RGPD3: variants seen among roughly 807,000 people sequenced by gnomAD.
The protein encoded by RGPD3 is RANBP2 like and GRIP domain containing 3, also known as ranBP2-like and GRIP domain-containing protein 3.
Under a neutral mutation model 154.5 loss-of-function variants are expected in RGPD3, and 62 were observed. That is an observed-to-expected ratio of 0.40 (90% CI 0.33 to 0.50). The LOEUF (loss-of-function observed/expected upper bound fraction) is 0.50. RGPD3 is among the 20% of genes least tolerant of loss of function. The pLI is 0.59. For missense variants in RGPD3, 919 were observed against 1,716.8 expected (o/e 0.54, Z 8.21); for synonymous variants, 308 against 607.0 (o/e 0.51, Z 7.24).
At chr2:106,450,705 CAAAAAAAAAAAA>C (rs768839840) in intron 6 of RGPD3, among the ~76,000 whole-genome samples, 22 of 43,250 alleles carry the variant, frequency 5.1e-4, no homozygotes, top group East Asian at 5.0e-3. Context: ...GACTCTGTCT[CAAAAAAAAAAAA>C]AAAAAAAAAA....
At chr2:106,469,952 C>A (rs192382792), upstream of RGPD3, among the ~76,000 whole-genome samples, 258 of 152,278 alleles carry the variant, frequency 1.7e-3, no homozygotes, top group African/African-American at 5.8e-3. Context: ...AGAAAACCAC[C>A]TTTTCATCCT....
intron 20 of RGPD3, among the ~76,000 whole-genome samples, chr2:106,416,203 A>C (rs1310625171): frequency 2.0e-5 from 3 of 149,778 alleles, no homozygotes; most frequent in Non-Finnish European, 4.4e-5. Flanking sequence ...CATGTCATCT[A>C]ACTGAATACA....
Position 106,436,421 on chromosome 2 carries a change from T to C in RGPD3, c.1627A>G (p.Lys543Glu). ...WDAVCTLIHR[K>E]AVPGNSAKLR... ...TTTTGTTTTACTACTTACACTGCTT[T>C]TCTGTGAATCAGAGTACAAACCGCA... Residue 543 changes from lysine to glutamate, a missense_variant, in exon 11 of 23, where the codon AAA becomes GAA. By Grantham distance (56) the Lys-to-Glu change is moderately conservative. Coordinates refer to ENST00000409886, the MANE Select transcript of RGPD3 (RefSeq NM_001144013.2). 1 of 1,218,614 alleles carries C rather than the reference T, an allele frequency of 8.2e-7. No homozygotes were observed. The highest frequency in any genetic ancestry group is 2.5e-5 in the East Asian group (1 of 39,792). The allele number at this position is 1,218,614 out of a possible 1,614,324, so 75.5% of individuals were successfully genotyped here.
intron 1 of RGPD3, among the ~76,000 whole-genome samples, chr2:106,465,049 G>C (rs535442653): frequency 4.0e-4 from 61 of 151,576 alleles, no homozygotes; most frequent in Non-Finnish European, 8.1e-4. Context: ...ACTAACAAAT[G>C]AAAGCACAAT....
intron 1 of RGPD3, among the ~76,000 whole-genome samples, chr2:106,466,388 C>T (rs1263205931): frequency 6.8e-6 from 1 of 146,634 alleles, no homozygotes; most frequent in African/African-American, 2.6e-5. Flanking sequence ...AGGCCACCGC[C>T]TCAACAGAGC....
chr2:106,441,947 A>G (rs374142378), intron 7 of RGPD3, among the ~76,000 whole-genome samples: 5 of 139,144 alleles, frequency 3.6e-5, no homozygotes, highest in Non-Finnish European at 7.7e-5. Context: ...TTGGGAGGCC[A>G]AGGTGGGGGG....
chr2:106,442,502 A>C (rs1034872234), intron 7 of RGPD3, among the ~76,000 whole-genome samples: 12 of 141,388 alleles, frequency 8.5e-5, no homozygotes, highest in African/African-American at 3.1e-4. Flanking sequence ...CCTATGAAAA[A>C]AAAAAAAAAA....
chr2:106,470,883 T>C (rs1678796895), upstream of RGPD3: 1 of 1,596,906 alleles, frequency 6.3e-7, no homozygotes, highest in Non-Finnish European at 8.5e-7. Flanking sequence ...AGGCATTGTG[T>C]TGGACATCGT....
At chr2:106,420,739 T>G (rs1386438394) in intron 20 of RGPD3, among the ~76,000 whole-genome samples, 1 of 152,294 alleles carries the variant, frequency 6.6e-6, no homozygotes, top group Non-Finnish European at 1.5e-5. Context: ...AACTGTTTCT[T>G]TTTATTCTTT....
intron 20 of RGPD3, among the ~76,000 whole-genome samples, chr2:106,421,101 C>T (rs1299490474): frequency 1.3e-5 from 2 of 152,042 alleles, no homozygotes; most frequent in East Asian, 1.9e-4. Flanking sequence ...AACAGTACAC[C>T]GTAAGATACA....
intron 20 of RGPD3, among the ~76,000 whole-genome samples, chr2:106,421,272 C>G (rs1209842524): frequency 1.3e-5 from 2 of 151,974 alleles, no homozygotes; most frequent in African/African-American, 4.8e-5. Context: ...CTATGTTCTA[C>G]AGTAGTGTAT....
rs1182468174 is a variant in RGPD3, at chr2:106,403,590, G to A, written c.*1629C>T. 6.6e-6 allele frequency among the ~76,000 whole-genome samples: 1 copy of A among 152,262 alleles called. No individual in the cohort carries two copies. Among genetic ancestry groups the A allele is most frequent in the Non-Finnish European group, 1.5e-5 (1 of 68,054 alleles). On this transcript the variant is annotated 3_prime_UTR_variant, in exon 23 of 23. Transcript: ENST00000409886. ...TTATACAGACTTCAAAAGGTCTCAA[G>A]TCAAAGAGAAAGTGAAATATATTTA...
chr2:106,410,694 T>C (rs1676643658), intron 22 of RGPD3, among the ~76,000 whole-genome samples: 1 of 152,170 alleles, frequency 6.6e-6, no homozygotes, highest in African/African-American at 2.4e-5. Flanking sequence ...GTCTTGCTTT[T>C]TATAGGGGCA....
At chr2:106,412,182 C>T (rs1171481245) in intron 22 of RGPD3, among the ~76,000 whole-genome samples, 2 of 143,344 alleles carry the variant, frequency 1.4e-5, no homozygotes, top group East Asian at 4.1e-4. Context: ...TCTTAAGATG[C>T]AGCTTGAATT....
intron 1 of RGPD3, among the ~76,000 whole-genome samples, chr2:106,465,987 CCAGG>C (rs1428928450): frequency 6.6e-6 from 1 of 152,054 alleles, no homozygotes; most frequent in Non-Finnish European, 1.5e-5. Flanking sequence ...CTGGGTTCCT[CCAGG>C]CCAAGGAGGT....
intron 1 of RGPD3, among the ~76,000 whole-genome samples, chr2:106,462,325 C>T (rs1413165692): frequency 6.6e-6 from 1 of 150,830 alleles, no homozygotes; most frequent in African/African-American, 2.4e-5. Context: ...ACAAATTATT[C>T]TTCTGTATGA....
In RGPD3 at chr2:106,468,367, G is replaced by A. The variant is rs1678716506; in HGVS notation, c.-79C>T. Reference sequence around the variant, plus strand: ...CAGTCGCCAATTCCAAGAGGAAAGCGCCTGAAAGCCACTGAGGCAGCGGCG... The same window carrying A: ...CAGTCGCCAATTCCAAGAGGAAAGCACCTGAAAGCCACTGAGGCAGCGGCG... On this transcript the variant is annotated 5_prime_UTR_variant, in exon 1 of 23. Coordinates refer to ENST00000409886, the MANE Select transcript of RGPD3 (RefSeq NM_001144013.2). 1.3e-6 allele frequency: 2 copies of A among 1,547,542 alleles called. No individual in the cohort carries two copies. The highest frequency in any genetic ancestry group is 1.7e-6 in the Non-Finnish European group (2 of 1,145,678).
intron 6 of RGPD3, among the ~76,000 whole-genome samples, chr2:106,447,929 G>T (rs1677982948): frequency 6.6e-6 from 1 of 151,754 alleles, no homozygotes; most frequent in Non-Finnish European, 1.5e-5. Flanking sequence ...GATAAAGTTG[G>T]GAGACTATTT....
At chr2:106,406,873 G>C (rs969133671) in intron 22 of RGPD3, among the ~76,000 whole-genome samples, 7 of 152,272 alleles carry the variant, frequency 4.6e-5, no homozygotes, top group African/African-American at 1.7e-4. Context: ...CTTTTACATG[G>C]GGAAATTTTC....
Sources: allele counts gnomAD v4.1 joint callset (sites outside exome capture counted in the v4.1 genomes callset), GRCh38; gene constraint gnomAD v4.1.1; transcripts MANE v1.5; gene names NCBI Gene and HGNC (gene_info 2026-07-23, HGNC 2026-07-21).